EIF5B: variants seen among roughly 807,000 people sequenced by gnomAD.
EIF5B encodes the protein eukaryotic translation initiation factor 5B.
A neutral mutation model predicts 147.5 loss-of-function variants in EIF5B; 47 were observed. That is an observed-to-expected ratio of 0.32 (90% CI 0.25 to 0.41). The LOEUF (loss-of-function observed/expected upper bound fraction) is 0.41. Ranked by LOEUF, EIF5B falls within the 10% of genes least tolerant of loss-of-function variation. EIF5B has a pLI of 1.00. For missense variants in EIF5B, 1,064 were observed against 1,413.2 expected (o/e 0.75, Z 3.96); for synonymous variants, 455 against 456.2 (o/e 1.00, Z 0.03).
Position 99,371,665 on chromosome 2 carries a change from A to G in EIF5B, c.1487A>G (p.Glu496Gly), listed in dbSNP as rs1674454565. Residue 496 changes from glutamate to glycine, a missense_variant, in exon 9 of 24, where the codon GAA (glutamate) becomes GGA (glycine). Glu to Gly is a moderately conservative substitution (Grantham distance 98). This residue lies in a region of EIF5B where 195 missense variants were observed against 186.3 expected (regional missense o/e 1.05). Transcript: ENST00000289371. ...AAATTTTTACTTACAGAAGAAGAAG[A>G]AGATACTGAGGATGCTGGATTGGAT... is the stretch of plus-strand genomic sequence containing the variant. Reference protein sequence around the residue: ...TPPPVEPEEEEDTEDAGLDDW... With the variant: ...TPPPVEPEEEGDTEDAGLDDW... 7 of 1,612,240 alleles carry G rather than the reference A, an allele frequency of 4.3e-6. No homozygotes were observed. Among genetic ancestry groups the G allele is most frequent in the Non-Finnish European group, 5.9e-6 (7 of 1,179,220 alleles).
intron 14 of EIF5B, among the ~76,000 whole-genome samples, chr2:99,386,183 A>T (rs1313727366): frequency 6.6e-6 from 1 of 152,190 alleles, no homozygotes; most frequent in East Asian, 1.9e-4. Flanking sequence ...GCATTCTAGT[A>T]GGTGTGTAGT....
In EIF5B at chr2:99,399,513, G is replaced by C. The variant is rs927366549; in HGVS notation, c.*99G>C. The C allele has an allele frequency of 1.1e-5, 12 of 1,099,956 alleles. No homozygotes were observed. The Admixed American group carries it at 1.2e-4, about 11-fold the overall frequency. 68.1% of individuals were successfully genotyped at this position (1,099,956 alleles called of 1,614,324 possible). ...AATGGAACAGACGTATTTGGACACTGATGGACTTAAGTATGGAAGGAAGAA... is the reference window on the plus strand; with the variant it reads ...AATGGAACAGACGTATTTGGACACTCATGGACTTAAGTATGGAAGGAAGAA... On this transcript the variant is annotated 3_prime_UTR_variant, in exon 24 of 24. Coordinates refer to ENST00000289371, the MANE Select transcript of EIF5B (RefSeq NM_015904.4).
At chr2:99,358,612 A>G (rs1674142623) in intron 1 of EIF5B, among the ~76,000 whole-genome samples, 2 of 152,232 alleles carry the variant, frequency 1.3e-5, no homozygotes, top group South Asian at 4.1e-4. Context: ...GGTTCCCTCT[A>G]TCTTGGGTGG....
rs552371885 is a variant in EIF5B at position 99,337,553 on chromosome 2, C to T, written c.-2C>T. 4 of 1,612,968 alleles carry T rather than the reference C, an allele frequency of 2.5e-6. No individual in the cohort carries two copies. Among genetic ancestry groups the T allele is most frequent in the Middle Eastern group, 1.7e-4 (1 of 6,056 alleles). ...TGGGGCCACGAGCGCCATTGACAAG[C>T]AATGGGGAAGAAACAGAAAAACAAG... is the stretch of plus-strand genomic sequence containing the variant. On this transcript the variant is annotated 5_prime_UTR_variant, in exon 1 of 24. Coordinates refer to ENST00000289371, the MANE Select transcript of EIF5B (RefSeq NM_015904.4).
At chr2:99,345,635 G>A (rs1463682111) in intron 1 of EIF5B, among the ~76,000 whole-genome samples, 1 of 151,046 alleles carries the variant, frequency 6.6e-6, no homozygotes, top group African/African-American at 2.4e-5. Context: ...TGCCTTTCTG[G>A]TTGCCACTTG....
chr2:99,350,612 T>C (rs1673929975), intron 1 of EIF5B, among the ~76,000 whole-genome samples: 1 of 152,200 alleles, frequency 6.6e-6, no homozygotes, highest in African/African-American at 2.4e-5. Context: ...ATTATTTGCT[T>C]TTTTGCTATT....
At chr2:99,344,472 T>C (rs2094268187) in intron 1 of EIF5B, among the ~76,000 whole-genome samples, 1 of 151,838 alleles carries the variant, frequency 6.6e-6, no homozygotes. Context: ...AGTCTCACTC[T>C]GTCACCCAGG....
intron 1 of EIF5B, among the ~76,000 whole-genome samples, chr2:99,355,652 G>GC (rs1674081010): frequency 8.3e-6 from 1 of 120,984 alleles, no homozygotes; most frequent in Non-Finnish European, 1.6e-5. Flanking sequence ...TCATTCTGTC[G>GC]CCCAGGCTGG....
chr2:99,389,508 CA>C (rs1559259358), intron 14 of EIF5B: 5 of 332,164 alleles, frequency 1.5e-5, no homozygotes, highest in Middle Eastern at 8.3e-4. Flanking sequence ...TGGAGGCTGA[CA>C]GGGGCAGCAT....
At chr2:99,369,596 T>C (rs1407823008) in intron 8 of EIF5B, 115 bp downstream of exon 8, 10 of 715,042 alleles carry the variant, frequency 1.4e-5, no homozygotes, top group Non-Finnish European at 2.2e-5. Flanking sequence ...AGTATCTGGC[T>C]GGATGGCCCT....
chr2:99,398,817 CAAG>C lies in EIF5B; in HGVS notation c.3467_3469del (p.Glu1156del). On this transcript the variant is annotated inframe_deletion, in exon 23 of 24. Coordinates refer to ENST00000289371, the MANE Select transcript of EIF5B (RefSeq NM_015904.4). ...ACAAGTGGATGTTGCAAAAAAAGGA[CAAG>C]AAGTTTGTGTAAAAATAGAACCTAT... The C allele has an allele frequency of 6.2e-7, 1 of 1,613,988 alleles. No individual in the cohort carries two copies. Among genetic ancestry groups the C allele is most frequent in the Non-Finnish European group, 8.5e-7 (1 of 1,179,936 alleles).
chr2:99,386,726 T>C (rs1003288652), intron 14 of EIF5B, among the ~76,000 whole-genome samples: 2 of 149,794 alleles, frequency 1.3e-5, no homozygotes, highest in South Asian at 2.1e-4. Flanking sequence ...GGGGGGGCGG[T>C]GTGTGTGTGT....
At chr2:99,346,656 C>T (rs1475798562) in intron 1 of EIF5B, among the ~76,000 whole-genome samples, 3 of 140,434 alleles carry the variant, frequency 2.1e-5, no homozygotes, top group Non-Finnish European at 4.5e-5. Context: ...CTGCAAGCTC[C>T]ACCTCCCGGG....
intron 17 of EIF5B, among the ~76,000 whole-genome samples, chr2:99,392,421 G>T (rs971311047): frequency 6.6e-6 from 1 of 152,158 alleles, no homozygotes; most frequent in East Asian, 1.9e-4. Context: ...CCCAGGGTAT[G>T]TATACCTAGG....
rs193179106 is a variant in EIF5B at position 99,370,128 on chromosome 2, T to C, written c.1477+647T>C. Among the ~76,000 whole-genome samples the C allele has an allele frequency of 3.4e-4, 52 of 152,348 alleles. No individual in the cohort carries two copies. In the East Asian group the frequency reaches 8.5e-3, roughly 25 times the overall value. ...GGAAGGATTTTTAACTAGAACTTTT[T>C]AAGAACCATAAAAATTGGCATTTTT... On this transcript the variant is annotated intron_variant, in intron 8 of 23. Coordinates refer to ENST00000289371, the MANE Select transcript of EIF5B (RefSeq NM_015904.4).
chr2:99,360,128 C>G, intron 1 of EIF5B, 108 bp from the exon 2 acceptor site: 1 of 1,305,396 alleles, frequency 7.7e-7, no homozygotes, highest in Non-Finnish European at 1.0e-6. Flanking sequence ...AATGATTTTT[C>G]TCATTGTGCT....
At chr2:99,364,879 A>AT (rs10707224) in intron 6 of EIF5B, among the ~76,000 whole-genome samples, 1 of 151,438 alleles carries the variant, frequency 6.6e-6, no homozygotes, top group Admixed American at 6.6e-5. Flanking sequence ...ATTCATGACC[A>AT]TTTTTTTTTA....
rs200355647 is a variant in EIF5B at position 99,361,373 on chromosome 2, A to T, written c.472A>T (p.Asn158Tyr). The change falls in exon 4 of 24, where the codon AAT becomes TAT. Residue 158 changes from asparagine (N) to tyrosine (Y), a missense_variant. By Grantham distance (143) the Asn-to-Tyr change is moderately radical. Coordinates refer to ENST00000289371, the MANE Select transcript of EIF5B (RefSeq NM_015904.4). ...AGCTAAAGGGAAAGCTCAAAAATCA[A>T]ATAAGAAGTGGGATGGGTCAGAGGA... ...KKAKGKAQKS[N>Y]KKWDGSEEDE... 1 of 1,611,542 alleles carries T rather than the reference A, an allele frequency of 6.2e-7. No homozygotes were observed. The highest frequency in any genetic ancestry group is 8.5e-7 in the Non-Finnish European group (1 of 1,179,458).
In EIF5B at chr2:99,378,855, C is replaced by T. The variant is rs533892335; in HGVS notation, c.1843-164C>T. Among the ~76,000 whole-genome samples, 142 of 152,200 alleles carry T rather than the reference C, an allele frequency of 9.3e-4. 2 individuals are homozygous for T. Among genetic ancestry groups the T allele is most frequent in the African/African-American group, 3.3e-3 (137 of 41,516 alleles). On this transcript the variant is annotated intron_variant, in intron 10 of 23. Transcript: ENST00000289371. ...ATCCAGAGGTGCTGTGATGGGAATT[C>T]GATTGTAAAGTTCACATTATAAATT... is the stretch of plus-strand genomic sequence containing the variant.
Sources: allele counts gnomAD v4.1 joint callset (sites outside exome capture counted in the v4.1 genomes callset), GRCh38; gene constraint gnomAD v4.1.1; regional missense constraint gnomAD v4.1.1; transcripts MANE v1.5; gene names NCBI Gene and HGNC (gene_info 2026-07-23, HGNC 2026-07-21).